Variants in TMEM260 observed in about 807,000 individuals in gnomAD.
TMEM260 encodes the protein transmembrane protein 260.
A neutral mutation model predicts 88.9 loss-of-function variants in TMEM260; 82 were observed. The observed-to-expected ratio is 0.92, with a 90% CI of 0.77 to 1.11. The LOEUF (loss-of-function observed/expected upper bound fraction) is 1.11, where lower values mean the gene tolerates loss of function less well. Ranked by LOEUF, TMEM260 falls within the 50% of genes least tolerant of loss-of-function variation. The probability of loss-of-function intolerance (pLI) is 0.00; values close to 1 mark genes in which losing one functional copy is unlikely to be tolerated. For synonymous variants in TMEM260, 314 were observed against 309.3 expected, an observed-to-expected ratio of 1.02 and a Z score of -0.16; for missense variants, 902 against 853.4, an observed-to-expected ratio of 1.06 and a Z score of -0.71.
At chr14:56,604,101 G>T in intron 4 of TMEM260, 109 bp downstream of exon 4, 1 of 1,049,662 alleles carries the variant, frequency 9.5e-7, no homozygotes. Context: ...ATTACAGTCG[G>T]GATAATCTAG....
At chr14:56,635,454 A>G (rs889912962) in intron 14 of TMEM260, among the ~76,000 whole-genome samples, 1 of 148,648 alleles carries the variant, frequency 6.7e-6, no homozygotes, top group Non-Finnish European at 1.5e-5. Context: ...TCATAGTCTA[A>G]TGAGCAGACA....
In TMEM260 at chr14:56,647,812, A is replaced by T; in HGVS notation, c.*315A>T. 3.5e-6 allele frequency: 1 copy of T among 281,766 alleles called. No homozygotes were observed. The highest frequency in any genetic ancestry group is 6.7e-6 in the Non-Finnish European group (1 of 149,286). 17.5% of individuals were successfully genotyped at this position (281,766 alleles called of 1,614,324 possible). On this transcript the variant is annotated 3_prime_UTR_variant, in exon 16 of 16. Coordinates refer to ENST00000261556, the MANE Select transcript of TMEM260 (RefSeq NM_017799.4). ...CTAGAAGAGAATGAACCATTTTCAT[A>T]TAACTAAATATTGGTCATGAACTGT...
downstream of TMEM260, among the ~76,000 whole-genome samples, chr14:56,655,062 C>T (rs1890276656): frequency 6.6e-6 from 1 of 152,078 alleles, no homozygotes; most frequent in African/African-American, 2.4e-5. Flanking sequence ...TTAATTGCTT[C>T]ACCTAAATTT....
downstream of TMEM260, among the ~76,000 whole-genome samples, chr14:56,651,995 C>G (rs532664381): frequency 1.3e-4 from 20 of 152,324 alleles, no homozygotes; most frequent in South Asian, 4.1e-4. Context: ...CTTGATATTT[C>G]TCTCAGCTAA....
At chr14:56,584,133 G>C (rs1885330437) in intron 1 of TMEM260, among the ~76,000 whole-genome samples, 1 of 152,084 alleles carries the variant, frequency 6.6e-6, no homozygotes, top group Non-Finnish European at 1.5e-5. Context: ...GTCCAGGCCA[G>C]AGAGAGTAAA....
At chr14:56,642,925 A>C (rs1455521794) in intron 15 of TMEM260, among the ~76,000 whole-genome samples, 1 of 152,220 alleles carries the variant, frequency 6.6e-6, no homozygotes, top group African/African-American at 2.4e-5. Context: ...GAAATGGATA[A>C]ATTCCTGGAG....
chr14:56,621,443 G>A, intron 10 of TMEM260, 88 bp from the exon 11 acceptor site: 1 of 957,464 alleles, frequency 1.0e-6, no homozygotes, highest in African/African-American at 1.6e-5. Context: ...TGTATGATGG[G>A]AAAAGAATGG....
At chr14:56,660,750 A>G in the TMEM260 span, among the ~76,000 whole-genome samples, 1 of 152,200 alleles carries the variant, frequency 6.6e-6, no homozygotes, top group African/African-American at 2.4e-5. Flanking sequence ...ATCTTGTGTC[A>G]CACTAAGAAT....
chr14:56,626,421 A>C (rs2096853117), intron 12 of TMEM260, among the ~76,000 whole-genome samples: 1 of 152,210 alleles, frequency 6.6e-6, no homozygotes, highest in African/African-American at 2.4e-5. Flanking sequence ...ACAAGCATTT[A>C]CTGAATGTCT....
At chr14:56,601,241 T>C (rs1301133021) in intron 3 of TMEM260, among the ~76,000 whole-genome samples, 1 of 152,190 alleles carries the variant, frequency 6.6e-6, no homozygotes, top group Non-Finnish European at 1.5e-5. Context: ...TAAGATGCCT[T>C]TCTGAGTGTA....
chr14:56,621,749 CAT>C (rs775827260), intron 11 of TMEM260, 47 bp downstream of exon 11: 30 of 1,520,746 alleles, frequency 2.0e-5, no homozygotes, highest in Admixed American at 6.1e-5. Context: ...GATTTAAAAA[CAT>C]ATGTTTTGGA....
At chr14:56,637,847 G>GTCTTATCCCTGCTATCAAAA (rs1349567580) in intron 15 of TMEM260, among the ~76,000 whole-genome samples, 1 of 147,212 alleles carries the variant, frequency 6.8e-6, no homozygotes, top group Non-Finnish European at 1.5e-5. Context: ...AGACAACCAA[G>GTCTTATCCCTGCTATCAAAA]TCTTATCCCT....
chr14:56,652,780 TA>T (rs1320721171), downstream of TMEM260, among the ~76,000 whole-genome samples: 1 of 152,176 alleles, frequency 6.6e-6, no homozygotes, highest in Non-Finnish European at 1.5e-5. Context: ...CCCCTAAAAT[TA>T]TAGCATATTC....
chr14:56,632,737 C>T (rs1219634737), intron 12 of TMEM260, among the ~76,000 whole-genome samples: 1 of 152,120 alleles, frequency 6.6e-6, no homozygotes, highest in South Asian at 2.1e-4. Flanking sequence ...TGTGAACCAC[C>T]ATGTCCAGCC....
chr14:56,615,789 C>A, intron 7 of TMEM260, 155 bp from the exon 8 acceptor site: 1 of 588,882 alleles, frequency 1.7e-6, no homozygotes, highest in South Asian at 2.3e-5. Flanking sequence ...TTCTATTGCA[C>A]TTTTTCTTCC....
At chr14:56,653,736 C>CAAAAAAA (rs10522889), downstream of TMEM260, among the ~76,000 whole-genome samples, 13 of 66,538 alleles carry the variant, frequency 2.0e-4, no homozygotes, top group South Asian at 5.7e-4. Flanking sequence ...CTCTTGTCTC[C>CAAAAAAA]AAAACAAAAA....
chr14:56,650,061 T>C (rs562954984), downstream of TMEM260: 254 of 453,376 alleles, frequency 5.6e-4, no homozygotes, highest in East Asian at 6.3e-4. Context: ...TCTCTTACTT[T>C]CCTTGGCTAG....
rs117578241 is a variant in TMEM260 at position 56,580,243 on chromosome 14, C to T, written c.160+169C>T. On this transcript the variant is annotated intron_variant, in intron 1 of 15. Coordinates refer to ENST00000261556, the MANE Select transcript of TMEM260 (RefSeq NM_017799.4). Reference sequence around the variant, plus strand: ...GTGTTCCAGAGCCCACTTCTGTTTCCATTCCTGTCGTTGTGGTTTCTTTAG... The same window carrying T: ...GTGTTCCAGAGCCCACTTCTGTTTCTATTCCTGTCGTTGTGGTTTCTTTAG... 1.1e-4 allele frequency among the ~76,000 whole-genome samples: 17 copies of T among 152,362 alleles called. No individual in the cohort carries two copies. The East Asian group carries it at 3.3e-3, about 29-fold the overall frequency.
chr14:56,652,512 T>C (rs1363909573), downstream of TMEM260, among the ~76,000 whole-genome samples: 1 of 150,400 alleles, frequency 6.6e-6, no homozygotes, highest in East Asian at 1.9e-4. Context: ...AAAAAAATTA[T>C]TATAAAAACT....
Sources: gnomAD v4.1 joint callset for allele counts (sites outside exome capture counted in the v4.1 genomes callset) on GRCh38, gnomAD v4.1.1 for gene constraint, MANE v1.5 for transcripts, NCBI Gene and HGNC (gene_info 2026-07-23, HGNC 2026-07-21) for gene names.